The following TNFRSF19 variants were observed in gnomAD, a reference collection of about 807,000 sequenced individuals.
TNFRSF19 encodes tumor necrosis factor receptor superfamily member 19.
A neutral mutation model predicts 46.4 loss-of-function variants in TNFRSF19; 27 were observed. The observed-to-expected ratio is 0.58, with a 90% confidence interval of 0.43 to 0.80. The LOEUF is 0.80. TNFRSF19 is among the 30% of genes least tolerant of loss of function. The probability of loss-of-function intolerance (pLI) is 0.00; values close to 1 mark genes in which losing one functional copy is unlikely to be tolerated. For missense variants in TNFRSF19, 511 were observed against 530.8 expected (o/e 0.96, Z 0.37); for synonymous variants, 204 against 205.0 (o/e 1.00, Z 0.04).
chr13:23,673,289 A>G lies in TNFRSF19; in HGVS notation c.1246-83A>G, dbSNP rs372657900. Reference sequence around the variant, plus strand: ...TGTATACTACTAGTAAAAGTTATGCATAATAATTCTTTACCATTGAAATTT... The same window carrying G: ...TGTATACTACTAGTAAAAGTTATGCGTAATAATTCTTTACCATTGAAATTT... On this transcript the variant is annotated intron_variant, in intron 9 of 9. Transcript: ENST00000248484. The G allele has an allele frequency of 1.3e-4, 190 of 1,465,352 alleles. 2 individuals carry two copies. The highest frequency in any genetic ancestry group is 9.6e-4 in the Middle Eastern group (5 of 5,232). 90.8% of individuals were successfully genotyped at this position (1,465,352 alleles called of 1,614,324 possible). A position where few individuals can be genotyped will look rare whatever the true frequency, so the allele number is the denominator to read the frequency against.
At chr13:23,625,296 T>C (rs539883285) in intron 4 of TNFRSF19, among the ~76,000 whole-genome samples, 1 of 151,592 alleles carries the variant, frequency 6.6e-6, no homozygotes, top group East Asian at 1.9e-4. Flanking sequence ...TTAGCTTTTT[T>C]CCTTTCATAA....
chr13:23,640,886 T>C (rs547559516), intron 5 of TNFRSF19, among the ~76,000 whole-genome samples: 79 of 152,356 alleles, frequency 5.2e-4, no homozygotes, highest in African/African-American at 1.9e-3. Flanking sequence ...CAAACTCCTT[T>C]CCTTCAGTGC....
At chr13:23,666,726 T>A (rs1951640474) in intron 7 of TNFRSF19, among the ~76,000 whole-genome samples, 1 of 152,196 alleles carries the variant, frequency 6.6e-6, no homozygotes, top group Non-Finnish European at 1.5e-5. Flanking sequence ...ACACGTTTGT[T>A]AAGCGGCAGT....
rs147053919 is a variant in TNFRSF19, at chr13:23,647,727, G to A, written c.446-11323G>A. 3.9e-5 allele frequency among the ~76,000 whole-genome samples: 6 copies of A among 152,272 alleles called. No individual in the cohort carries two copies. In the East Asian group the frequency reaches 1.2e-3, roughly 29 times the overall value. On this transcript the variant is annotated intron_variant, in intron 5 of 9. Coordinates refer to ENST00000248484, the MANE Select transcript of TNFRSF19 (RefSeq NM_148957.4). Reference sequence around the variant, plus strand: ...TTTTAGTTTCAGCTCTTGAATTTAGGTCTCTGATCTATTTTTAGTCAACTT... The same window carrying A: ...TTTTAGTTTCAGCTCTTGAATTTAGATCTCTGATCTATTTTTAGTCAACTT...
chr13:23,638,431 CG>C (rs1278210424), intron 5 of TNFRSF19, among the ~76,000 whole-genome samples: 4 of 152,146 alleles, frequency 2.6e-5, no homozygotes, highest in Non-Finnish European at 5.9e-5. Flanking sequence ...TAGGGCCAGG[CG>C]CTGAGGCCTG....
rs754779097 is a variant in TNFRSF19 at position 23,659,119 on chromosome 13, C to A, written c.515C>A (p.Ala172Asp). 6.2e-7 allele frequency: 1 copy of A among 1,614,010 alleles called. No homozygotes were observed. The highest frequency in any genetic ancestry group is 1.1e-5 in the South Asian group (1 of 91,082). The change falls in exon 6 of 10, where the codon GCC becomes GAC. Residue 172 changes from alanine (A) to aspartate (D), a missense_variant. Ala to Asp is a moderately radical substitution (Grantham distance 126). Transcript: ENST00000248484. This position sits in a 1 kb window ranked among gnomAD's most constrained non-coding sequence, Gnocchi z 4.9. Reference sequence around the variant, plus strand: ...AGCCCACGGGACACGGCGCTGGCTGCCGTTATCTGCAGCGCTCTGGCCACC... The same window carrying A: ...AGCCCACGGGACACGGCGCTGGCTGACGTTATCTGCAGCGCTCTGGCCACC... ...ASSPRDTALA[A>D]VICSALATVL...
chr13:23,613,429 T>C (rs1163362665), intron 3 of TNFRSF19, among the ~76,000 whole-genome samples: 1 of 152,196 alleles, frequency 6.6e-6, no homozygotes, highest in Non-Finnish European at 1.5e-5. Context: ...TGTAGGAAAA[T>C]ACATACTTTT....
chr13:23,593,564 TTATTG>T, intron 3 of TNFRSF19, 109 bp downstream of exon 3: 2 of 767,638 alleles, frequency 2.6e-6, no homozygotes, highest in Non-Finnish European at 4.3e-6. Context: ...CATGACAGAA[TTATTG>T]GATCATTATG....
intron 3 of TNFRSF19, among the ~76,000 whole-genome samples, chr13:23,615,148 A>G (rs1881183673): frequency 6.6e-6 from 1 of 152,338 alleles, no homozygotes; most frequent in African/African-American, 2.4e-5. Flanking sequence ...ATTATGTTAC[A>G]TGATATGCTA....
chr13:23,615,760 C>A, intron 3 of TNFRSF19, 107 bp from the exon 4 acceptor site: 3 of 1,198,896 alleles, frequency 2.5e-6, no homozygotes, highest in Non-Finnish European at 1.1e-6. Context: ...TCTAGGAAGG[C>A]CGACACTTGG....
At chr13:23,581,504 T>C (rs1878429944) in intron 1 of TNFRSF19, among the ~76,000 whole-genome samples, 1 of 152,196 alleles carries the variant, frequency 6.6e-6, no homozygotes, top group African/African-American at 2.4e-5. Context: ...CATGTAAAAG[T>C]AGCTGTAAAA....
In TNFRSF19 at chr13:23,659,275, C is replaced by T. The variant is rs1003427067; in HGVS notation, c.610+61C>T. ...GGGGAAGGGCATTTATTACTATTGT[C>T]GTGCAAGTGTTCCACAAGAGACTTG... is the stretch of plus-strand genomic sequence containing the variant. On this transcript the variant is annotated intron_variant, in intron 6 of 9. Coordinates refer to ENST00000248484, the MANE Select transcript of TNFRSF19 (RefSeq NM_148957.4). This position sits in a 1 kb window ranked among gnomAD's most constrained non-coding sequence, Gnocchi z 4.9. The T allele has an allele frequency of 7.0e-5, 107 of 1,530,810 alleles. No homozygotes were observed. The highest frequency in any genetic ancestry group is 9.1e-5 in the Non-Finnish European group (103 of 1,130,282). The allele number at this position is 1,530,810 out of a possible 1,614,324, so 94.8% of individuals were successfully genotyped here. A position where few individuals can be genotyped will look rare whatever the true frequency, so the allele number is the denominator to read the frequency against.
intron 3 of TNFRSF19, among the ~76,000 whole-genome samples, chr13:23,603,024 C>T (rs1478031166): frequency 6.6e-6 from 1 of 151,810 alleles, no homozygotes; most frequent in Non-Finnish European, 1.5e-5. Flanking sequence ...AAATTAAAAA[C>T]AGAAACTCTG....
At chr13:23,652,891 A>T (rs1883734870) in intron 5 of TNFRSF19, among the ~76,000 whole-genome samples, 1 of 152,202 alleles carries the variant, frequency 6.6e-6, no homozygotes, top group Non-Finnish European at 1.5e-5. Flanking sequence ...AGGAACCCTT[A>T]TAGATGTTAA....
intron 5 of TNFRSF19, among the ~76,000 whole-genome samples, chr13:23,656,315 A>G (rs1883983240): frequency 6.6e-6 from 1 of 152,242 alleles, no homozygotes; most frequent in Non-Finnish European, 1.5e-5. Flanking sequence ...TTTAGAGAAC[A>G]TAAATCCTGA....
chr13:23,616,164 G>A (rs1881274914), intron 4 of TNFRSF19, 119 bp downstream of exon 4: 5 of 1,070,688 alleles, frequency 4.7e-6, no homozygotes, highest in Non-Finnish European at 5.2e-6. Flanking sequence ...GATGCTGGTG[G>A]AGTATTTGTG....
Position 23,669,258 on chromosome 13 carries a change from A to C in TNFRSF19, c.1245+161A>C. ...GTATGTTTTAAAATAAATTTCAAGT[A>C]TTTTTTTAAAAAACTAACACAGCTA... On this transcript the variant is annotated intron_variant, in intron 9 of 9. Coordinates refer to ENST00000248484, the MANE Select transcript of TNFRSF19 (RefSeq NM_148957.4). The C allele has an allele frequency of 2.8e-6, 4 of 1,408,296 alleles. No homozygotes were observed. In the South Asian group the frequency reaches 6.8e-5, roughly 24 times the overall value. 87.2% of individuals were successfully genotyped at this position (1,408,296 alleles called of 1,614,324 possible).
chr13:23,638,330 A>T (rs1329042269), intron 5 of TNFRSF19, among the ~76,000 whole-genome samples: 1 of 152,206 alleles, frequency 6.6e-6, no homozygotes, highest in Non-Finnish European at 1.5e-5. Flanking sequence ...CATACAAAAC[A>T]GCTGTACTTA....
At chr13:23,575,822 G>A (rs543884987) in intron 1 of TNFRSF19, among the ~76,000 whole-genome samples, 145 of 152,108 alleles carry the variant, frequency 9.5e-4, no homozygotes, top group Non-Finnish European at 1.7e-3. Flanking sequence ...TGCTACCAGC[G>A]AGCTAATTTA....
Sources: gnomAD v4.1 joint callset for allele counts (sites outside exome capture counted in the v4.1 genomes callset) on GRCh38, gnomAD v4.1.1 for gene constraint, Gnocchi (gnomAD v3.1) non-coding constraint, MANE v1.5 for transcripts, NCBI Gene and HGNC (gene_info 2026-07-23, HGNC 2026-07-21) for gene names.